KDM4C: variants seen among roughly 807,000 people sequenced by gnomAD.
KDM4C encodes lysine demethylase 4C, also known as lysine-specific demethylase 4C.
In KDM4C, 81 loss-of-function variants were observed where a neutral mutation model predicts 129.3. That is an observed-to-expected ratio of 0.63 (90% CI 0.52 to 0.75). KDM4C has a LOEUF of 0.75. KDM4C is among the 30% of genes least tolerant of loss of function. The pLI is 0.00. For missense variants in KDM4C, 1,457 were observed against 1,304.0 expected, an observed-to-expected ratio of 1.12 and a Z score of -1.81; for synonymous variants, 573 against 456.1, an observed-to-expected ratio of 1.26 and a Z score of -3.26.
intron 8 of KDM4C, among the ~76,000 whole-genome samples, chr9:6,961,215 T>G (rs1320710450): frequency 6.6e-6 from 1 of 152,226 alleles, no homozygotes; most frequent in Non-Finnish European, 1.5e-5. Context: ...AATATTGCTA[T>G]AGCCTAATAG....
intron 19 of KDM4C, among the ~76,000 whole-genome samples, chr9:7,146,971 T>C (rs1002605251): frequency 6.6e-6 from 1 of 152,254 alleles, no homozygotes; most frequent in African/African-American, 2.4e-5. Flanking sequence ...GTCTCCTCCC[T>C]ATCCTCTAGG....
intron 1 of KDM4C, among the ~76,000 whole-genome samples, chr9:6,734,068 G>C (rs1324279065): frequency 6.6e-6 from 1 of 152,124 alleles, no homozygotes; most frequent in East Asian, 1.9e-4. Flanking sequence ...TTAACCGTCT[G>C]AGAATGCAGC....
At chr9:7,144,599 G>T (rs1488804460) in intron 19 of KDM4C, among the ~76,000 whole-genome samples, 2 of 152,324 alleles carry the variant, frequency 1.3e-5, no homozygotes, top group East Asian at 3.9e-4. Flanking sequence ...AGTCATCTCT[G>T]ACTATAAACA....
At chr9:6,939,720 G>C (rs1011443408) in intron 8 of KDM4C, among the ~76,000 whole-genome samples, 3 of 152,192 alleles carry the variant, frequency 2.0e-5, no homozygotes, top group Non-Finnish European at 4.4e-5. Flanking sequence ...TCTAATTAAT[G>C]ATAGGGTTCC....
intron 18 of KDM4C, among the ~76,000 whole-genome samples, chr9:7,122,290 C>A (rs1260494661): frequency 6.6e-6 from 1 of 151,278 alleles, no homozygotes; most frequent in African/African-American, 2.4e-5. Flanking sequence ...CTCTCTTAAA[C>A]AGCCAGATCC....
intron 17 of KDM4C, among the ~76,000 whole-genome samples, chr9:7,052,894 A>AGAGAGCGAGAGAGAGAGC (rs1554718520): frequency 9.5e-6 from 1 of 105,468 alleles, no homozygotes. Context: ...AGAGAGAGAG[A>AGAGAGCGAGAGAGAGAGC]GAGAGAGCGA....
chr9:6,885,812 T>G (rs975058750), intron 6 of KDM4C, among the ~76,000 whole-genome samples: 4 of 152,160 alleles, frequency 2.6e-5, no homozygotes, highest in Non-Finnish European at 4.4e-5. Flanking sequence ...AAAATATAAT[T>G]CTGATAGCAT....
At chr9:6,984,479 A>T in intron 10 of KDM4C, 75 bp downstream of exon 10, 1 of 947,168 alleles carries the variant, frequency 1.1e-6, no homozygotes, top group Admixed American at 1.8e-5. Context: ...ATGGATGTTC[A>T]CTATGACAAG....
chr9:6,888,578 C>T (rs937180600), intron 7 of KDM4C, among the ~76,000 whole-genome samples: 20 of 152,116 alleles, frequency 1.3e-4, no homozygotes, highest in South Asian at 4.2e-4. Context: ...CTATAAAACT[C>T]AGTAGATGCT....
chr9:6,774,131 A>C (rs1434144229), intron 1 of KDM4C, among the ~76,000 whole-genome samples: 1 of 151,732 alleles, frequency 6.6e-6, no homozygotes, highest in Non-Finnish European at 1.5e-5. Flanking sequence ...CAAGTGATCC[A>C]CCTGCCTCAG....
intron 8 of KDM4C, among the ~76,000 whole-genome samples, chr9:6,980,140 T>C (rs1431008380): frequency 6.6e-6 from 1 of 152,182 alleles, no homozygotes; most frequent in East Asian, 1.9e-4. Flanking sequence ...ATCTTGGAGA[T>C]TATTTATGCA....
At chr9:6,788,984 A>G (rs1320172900) in intron 1 of KDM4C, among the ~76,000 whole-genome samples, 1 of 152,016 alleles carries the variant, frequency 6.6e-6, no homozygotes, top group Non-Finnish European at 1.5e-5. Flanking sequence ...TGTAAAGTAC[A>G]GTGCAGACAG....
Position 7,021,140 on chromosome 9 carries a change from G to GTGTATATA in KDM4C, c.2259+5212_2259+5213insGTATATAT, listed in dbSNP as rs111565497. Among the ~76,000 whole-genome samples, 691 of 146,922 alleles carry GTGTATATA rather than the reference G, an allele frequency of 4.7e-3. 6 individuals carry two copies. The highest frequency in any genetic ancestry group is 0.017 in the African/African-American group (661 of 39,442). ...TATATATGTGTGTGTGTGTGTGTGT[G>GTGTATATA]TATATATATATATGTATTTTTTTTT... On this transcript the variant is annotated intron_variant, in intron 15 of 21. Transcript: ENST00000381309.
intron 17 of KDM4C, among the ~76,000 whole-genome samples, chr9:7,075,302 A>G (rs1277306243): frequency 6.6e-6 from 1 of 152,104 alleles, no homozygotes; most frequent in Non-Finnish European, 1.5e-5. Context: ...GTCCTGTTTC[A>G]TCTTCTATGG....
At chr9:6,732,405 TG>T (rs1817379203) in intron 1 of KDM4C, among the ~76,000 whole-genome samples, 1 of 72,328 alleles carries the variant, frequency 1.4e-5, no homozygotes. Context: ...AAAAAAAGAA[TG>T]AGGCCGGAAG....
At chr9:6,799,165 C>A (rs1340663907) in intron 2 of KDM4C, among the ~76,000 whole-genome samples, 1 of 152,048 alleles carries the variant, frequency 6.6e-6, no homozygotes, top group Non-Finnish European at 1.5e-5. Flanking sequence ...GACGGGGTGG[C>A]GGCCGGGCAG....
At chr9:6,853,844 A>T (rs756966914) in intron 5 of KDM4C, among the ~76,000 whole-genome samples, 12 of 152,306 alleles carry the variant, frequency 7.9e-5, no homozygotes, top group Admixed American at 3.9e-4. Context: ...GGAATGACTT[A>T]GGGCAAATCA....
intron 1 of KDM4C, among the ~76,000 whole-genome samples, chr9:6,781,885 A>G (rs1344126780): frequency 1.3e-5 from 2 of 150,170 alleles, no homozygotes; most frequent in African/African-American, 4.9e-5. Context: ...GTGCAGTGGC[A>G]TTATCTCGGC....
rs138282072 is a variant in KDM4C at position 6,737,186 on chromosome 9, A to T, written c.49+16189A>T. ...TTGAAACAGAAAATTGACAAACGGG[A>T]CCTAATTAAAGTAAAGAGCTTCTGC... is the stretch of plus-strand genomic sequence containing the variant. On this transcript the variant is annotated intron_variant, in intron 1 of 17. Transcript: ENST00000536108. Among the ~76,000 whole-genome samples, 391 of 152,142 alleles carry T rather than the reference A, an allele frequency of 2.6e-3. 1 individual carries two copies. Among genetic ancestry groups the T allele is most frequent in the African/African-American group, 9.1e-3 (380 of 41,538 alleles).
Sources: allele counts gnomAD v4.1 joint callset (sites outside exome capture counted in the v4.1 genomes callset), GRCh38; gene constraint gnomAD v4.1.1; transcripts MANE v1.5; gene names NCBI Gene and HGNC (gene_info 2026-07-23, HGNC 2026-07-21).